WWC1: variants seen among roughly 807,000 people sequenced by gnomAD.
WWC1 encodes the protein WW and C2 domain containing 1, also known as protein KIBRA.
WWC1 carries 55 observed loss-of-function variants against 138.4 expected under a neutral mutation model. The observed-to-expected ratio is 0.40, with a 90% CI of 0.32 to 0.50. The LOEUF is 0.50. Among genes scored for constraint, WWC1 ranks in the 20% least tolerant of loss-of-function variants. The pLI is 0.72. For synonymous variants in WWC1, 524 were observed against 564.9 expected, an observed-to-expected ratio of 0.93 and a Z score of 1.03; for missense variants, 1,226 against 1,420.4, an observed-to-expected ratio of 0.86 and a Z score of 2.20.
At position 168,472,111 on chromosome 5, in the gene WWC1, A is replaced by T. The variant is rs1757693779; in HGVS notation, c.*3094A>T. ...TGGAGCAAATCCTCCTGCCTGAAGA[A>T]GTGCATCTCAGCATCACTTCAGCTG... On this transcript the variant is annotated 3_prime_UTR_variant, in exon 23 of 23. Transcript: ENST00000265293. The T allele has an allele frequency of 6.6e-6, 1 of 152,236 alleles. No homozygotes were observed. The highest frequency in any genetic ancestry group is 1.5e-5 in the Non-Finnish European group (1 of 68,054). The allele number at this position is 152,236 out of a possible 1,614,324, so 9.4% of individuals were successfully genotyped here.
chr5:168,385,429 C>G lies in WWC1; in HGVS notation c.433+15C>G, dbSNP rs1777970112. 6.2e-7 allele frequency: 1 copy of G among 1,611,300 alleles called. No homozygotes were observed. Among genetic ancestry groups the G allele is most frequent in the Admixed American group, 1.7e-5 (1 of 59,942 alleles). ...CCAGGTCAGCTGTGAGTACCTCCCA[C>G]TACCACCACCCCCACCGACACCAAC... On this transcript the variant is annotated intron_variant, in intron 3 of 22. Coordinates refer to ENST00000265293, the MANE Select transcript of WWC1 (RefSeq NM_015238.3).
chr5:168,382,298 G>T (rs1777697074), intron 2 of WWC1, among the ~76,000 whole-genome samples: 1 of 152,174 alleles, frequency 6.6e-6, no homozygotes, highest in Admixed American at 6.5e-5. Context: ...AGGCGTGTAT[G>T]TGTAAACAAA....
At chr5:168,408,431 A>G in intron 6 of WWC1, 76 bp from the exon 7 acceptor site, 1 of 1,536,054 alleles carries the variant, frequency 6.5e-7, no homozygotes, top group Non-Finnish European at 8.9e-7. Context: ...GTAGAGAGGG[A>G]AGCACAGGGA....
intron 16 of WWC1, among the ~76,000 whole-genome samples, chr5:168,442,662 C>A (rs548940248): frequency 2.0e-4 from 30 of 151,488 alleles, no homozygotes; most frequent in African/African-American, 5.1e-4. Flanking sequence ...CATGGTGAAA[C>A]CCTGTCTCTA....
At chr5:168,465,453 C>T (rs1187258513) in intron 21 of WWC1, among the ~76,000 whole-genome samples, 1 of 144,160 alleles carries the variant, frequency 6.9e-6, no homozygotes, top group Non-Finnish European at 1.5e-5. Context: ...GCACCTCTGC[C>T]CTGCTATAAT....
At chr5:168,355,948 C>T (rs4976595) in intron 1 of WWC1, among the ~76,000 whole-genome samples, 14,589 of 150,984 alleles carry the variant, frequency 0.097, 1,251 homozygotes, top group East Asian at 0.43. Flanking sequence ...GCCAGAGAGA[C>T]GGAGAGAGAT....
chr5:168,334,717 C>T (rs571842473), intron 1 of WWC1, among the ~76,000 whole-genome samples: 3 of 152,354 alleles, frequency 2.0e-5, no homozygotes, highest in East Asian at 3.9e-4. Flanking sequence ...CTAGTGAGTT[C>T]TGAACATATA....
chr5:168,460,559 A>C, intron 19 of WWC1, 91 bp from the exon 20 acceptor site: 1 of 1,212,106 alleles, frequency 8.3e-7, no homozygotes, highest in Non-Finnish European at 1.2e-6. Flanking sequence ...GACTGTGCCG[A>C]GTGGAGGAAC....
chr5:168,468,996 T>C lies in WWC1; in HGVS notation c.3321T>C (p.Ala1107=). 2 of 1,614,206 alleles carry C rather than the reference T, an allele frequency of 1.2e-6. No individual in the cohort carries two copies. Among genetic ancestry groups the C allele is most frequent in the South Asian group, 2.2e-5 (2 of 91,078 alleles). ...CCCGGCCTCGGATGAATATCCCAGC[T>C]CTCTCTGCAGATGACGTCTAATCGC... ...FFTRPRMNIP[A]LSADDV is the part of the protein sequence containing the mutation. Residue 1107 remains alanine, a synonymous_variant, in exon 23 of 23, where the codon GCT becomes GCC. Coordinates refer to ENST00000265293, the MANE Select transcript of WWC1 (RefSeq NM_015238.3).
rs1016369196 is a variant in WWC1, at chr5:168,460,704, C to T, written c.2878C>T (p.Arg960Ter). Reference sequence around the variant, plus strand: ...TCTGTCCAAAAAGCCACCTTTTGTTCGAAACTCCCTGGAGCGACGCAGCGT... The same window carrying T: ...TCTGTCCAAAAAGCCACCTTTTGTTTGAAACTCCCTGGAGCGACGCAGCGT... ...STLSKKPPFV[R>*]NSLERRSVRM... is the part of the protein sequence containing the mutation. Residue 960 changes from arginine to a stop codon, truncating the protein, a stop_gained, in exon 20 of 23, where the codon CGA becomes TGA. Transcript: ENST00000265293. LOFTEE classifies it high-confidence loss of function. 3 of 1,614,084 alleles carry T rather than the reference C, an allele frequency of 1.9e-6. No individual in the cohort carries two copies. Among genetic ancestry groups the T allele is most frequent in the East Asian group, 2.2e-5 (1 of 44,860 alleles).
chr5:168,412,979 G>T (rs1427668613), intron 8 of WWC1, among the ~76,000 whole-genome samples: 1 of 152,150 alleles, frequency 6.6e-6, no homozygotes, highest in African/African-American at 2.4e-5. Flanking sequence ...TTCCTCCTGG[G>T]ACACTTGCCT....
chr5:168,442,414 G>A (rs1452235009), intron 16 of WWC1, among the ~76,000 whole-genome samples: 4 of 120,634 alleles, frequency 3.3e-5, no homozygotes, highest in Non-Finnish European at 6.4e-5. Flanking sequence ...ACAAGCCTGG[G>A]CAACATGGTG....
chr5:168,376,717 C>T (rs929399386), intron 2 of WWC1, among the ~76,000 whole-genome samples: 12 of 152,230 alleles, frequency 7.9e-5, no homozygotes, highest in Non-Finnish European at 1.5e-4. Flanking sequence ...AGGAATACAT[C>T]TAGCCAAGGA....
At chr5:168,390,567 C>T (rs1011706214) in intron 3 of WWC1, among the ~76,000 whole-genome samples, 2 of 152,340 alleles carry the variant, frequency 1.3e-5, no homozygotes, top group East Asian at 3.9e-4. Flanking sequence ...CCCAGTTAAA[C>T]AAGGTGTGAC....
chr5:168,403,248 C>T (rs1215250650), intron 5 of WWC1, among the ~76,000 whole-genome samples: 2 of 152,040 alleles, frequency 1.3e-5, no homozygotes, highest in Admixed American at 1.3e-4. Flanking sequence ...CAGACACGTG[C>T]CACCATGCCC....
intron 1 of WWC1, among the ~76,000 whole-genome samples, chr5:168,332,907 C>T (rs1561620456): frequency 1.3e-5 from 2 of 152,142 alleles, no homozygotes; most frequent in Non-Finnish European, 2.9e-5. Flanking sequence ...CAGGGTTTCA[C>T]CCTGTTGGCC....
At chr5:168,370,774 C>T (rs1406890134) in intron 1 of WWC1, among the ~76,000 whole-genome samples, 1 of 152,142 alleles carries the variant, frequency 6.6e-6, no homozygotes. Context: ...ACTTTGATCC[C>T]CACAAGATGG....
intron 13 of WWC1, 102 bp downstream of exon 13, chr5:168,428,889 G>A: frequency 7.9e-7 from 1 of 1,263,660 alleles, no homozygotes; most frequent in Admixed American, 1.9e-5. Context: ...GCCCAGGGTG[G>A]AAGGCAGCAC....
chr5:168,306,605 A>T (rs1224325939), intron 1 of WWC1, among the ~76,000 whole-genome samples: 1 of 151,776 alleles, frequency 6.6e-6, no homozygotes, highest in African/African-American at 2.4e-5. Flanking sequence ...TTTTCTATTT[A>T]TTTGTTTTTG....
Sources: allele counts gnomAD v4.1 joint callset (sites outside exome capture counted in the v4.1 genomes callset), GRCh38; gene constraint gnomAD v4.1.1; transcripts MANE v1.5; gene names NCBI Gene and HGNC (gene_info 2026-07-23, HGNC 2026-07-21).